CCDC7: variants seen among roughly 807,000 people sequenced by gnomAD.
The protein encoded by CCDC7 is coiled-coil domain-containing protein 7.
A neutral mutation model predicts 196.9 loss-of-function variants in CCDC7; 183 were observed. That is an observed-to-expected ratio of 0.93 (90% CI 0.82 to 1.05). CCDC7 has a LOEUF of 1.05. CCDC7 is among the 50% of genes least tolerant of loss of function. The pLI is 0.00. For synonymous variants in CCDC7, 525 were observed against 484.6 expected (o/e 1.08, Z -1.10); for missense variants, 1,540 against 1,482.2 (o/e 1.04, Z -0.64).
chr10:32,726,704 A>G (rs2083180202), intron 25 of CCDC7, 30 bp from the exon 27 acceptor site: 2 of 1,300,312 alleles, frequency 1.5e-6, no homozygotes, highest in African/African-American at 1.5e-5. Context: ...AGCGGACTAA[A>G]TGTATCTCTT....
At chr10:32,828,541 AAGAAGAAG>A (rs2091719002) in intron 32 of CCDC7, among the ~76,000 whole-genome samples, 1 of 147,652 alleles carries the variant, frequency 6.8e-6, no homozygotes, top group African/African-American at 2.5e-5. Context: ...GAAGAAGAAG[AAGAAGAAG>A]AAGAAGAAGA....
chr10:32,600,166 A>AT (rs58965371), intron 18 of CCDC7, among the ~76,000 whole-genome samples: 13,511 of 152,004 alleles, frequency 0.089, 856 homozygotes, highest in East Asian at 0.33. Context: ...CAGTATGGTC[A>AT]TTTTTATGAT....
At chr10:32,772,249 G>T (rs938121394) in intron 28 of CCDC7, among the ~76,000 whole-genome samples, 5 of 152,144 alleles carry the variant, frequency 3.3e-5, no homozygotes, top group African/African-American at 1.2e-4. Flanking sequence ...GTTTGTGCAG[G>T]GAGTGGGGAG....
intron 41 of CCDC7, among the ~76,000 whole-genome samples, chr10:32,860,253 T>C (rs113360580): frequency 1.6e-4 from 24 of 152,202 alleles, no homozygotes; most frequent in African/African-American, 5.8e-4. Flanking sequence ...GCAAGGCTGG[T>C]TCAGCATACA....
intron 28 of CCDC7, among the ~76,000 whole-genome samples, chr10:32,754,188 A>C (rs757095818): frequency 1.3e-5 from 2 of 152,170 alleles, no homozygotes; most frequent in African/African-American, 4.8e-5. Context: ...TAAAGCTTAA[A>C]AGAATCAAAT....
chr10:32,602,320 A>T (rs183222770), intron 18 of CCDC7, among the ~76,000 whole-genome samples: 1 of 147,492 alleles, frequency 6.8e-6, no homozygotes, highest in Admixed American at 6.8e-5. Flanking sequence ...AATTCTGGAC[A>T]CACCATCTTT....
rs1331906714 is a variant in CCDC7, at chr10:32,728,887, C to CT, written c.2670dup (p.Arg891SerfsTer7). The CT allele has an allele frequency of 6.4e-7, 1 of 1,557,500 alleles. No homozygotes were observed. Among genetic ancestry groups the CT allele is most frequent in the African/African-American group, 1.4e-5 (1 of 73,622 alleles). ...GGACTAAATGCATCTCTTGATATAG[C>CT]TCGTATTGTAGTACCAAATGAAAAT... On this transcript the variant is annotated frameshift_variant and splice_region_variant, in exon 27 of 42. Coordinates refer to ENST00000639629, the Ensembl canonical transcript of CCDC7. LOFTEE classifies it high-confidence loss of function.
Position 32,689,060 on chromosome 10 carries a change from TA to T in CCDC7, c.2244del (p.Glu749AsnfsTer21), listed in dbSNP as rs1565146861. On this transcript the variant is annotated frameshift_variant, in exon 23 of 42. Coordinates refer to ENST00000639629, the Ensembl canonical transcript of CCDC7. LOFTEE classifies it high-confidence loss of function. Reference sequence around the variant, plus strand: ...ACACATCTTTTTCTGTAGCTCCTGATAAAGAACCAAATGAAAATCTTATACT... The same window carrying T: ...ACACATCTTTTTCTGTAGCTCCTGATAAGAACCAAATGAAAATCTTATACT... The T allele has an allele frequency of 1.3e-6, 2 of 1,582,228 alleles. No homozygotes were observed. The highest frequency in any genetic ancestry group is 1.1e-5 in the South Asian group (1 of 88,478).
chr10:32,546,677 G>T (rs1303724275), intron 13 of CCDC7, among the ~76,000 whole-genome samples: 2 of 152,202 alleles, frequency 1.3e-5, no homozygotes, highest in Non-Finnish European at 2.9e-5. Flanking sequence ...TTGCTGCATA[G>T]CAAGTTACCA....
chr10:32,677,965 A>G (rs1352834039), intron 21 of CCDC7, among the ~76,000 whole-genome samples: 1 of 151,330 alleles, frequency 6.6e-6, no homozygotes, highest in African/African-American at 2.4e-5. Context: ...TTGCTTTGCT[A>G]TTTTCTTCTG....
rs548640599 is a variant in CCDC7 at position 32,641,347 on chromosome 10, G to A, written c.2014+6189G>A. ...CCCATATTTCTCCGAGGCTTTGTTC[G>A]TTTCTTTTTATTGTTTTTTCTCTAA... On this transcript the variant is annotated intron_variant, in intron 20 of 41. Transcript: ENST00000639629. 5.8e-3 allele frequency among the ~76,000 whole-genome samples: 884 copies of A among 152,144 alleles called. 3 individuals are homozygous for A. The highest frequency in any genetic ancestry group is 8.4e-3 in the Non-Finnish European group (571 of 67,978).
chr10:32,524,730 C>T (rs1465455044), intron 11 of CCDC7, among the ~76,000 whole-genome samples: 1 of 152,192 alleles, frequency 6.6e-6, no homozygotes, highest in Non-Finnish European at 1.5e-5. Flanking sequence ...AAGTTTTCCA[C>T]TGAAAGTCTG....
intron 9 of CCDC7, among the ~76,000 whole-genome samples, chr10:32,514,894 A>G: frequency 6.6e-6 from 1 of 152,296 alleles, no homozygotes; most frequent in Admixed American, 6.5e-5. Flanking sequence ...ATGTAATCAT[A>G]GCTCACTTCA....
chr10:32,674,651 TG>T (rs2074619689), intron 21 of CCDC7, among the ~76,000 whole-genome samples: 1 of 152,132 alleles, frequency 6.6e-6, no homozygotes, highest in Non-Finnish European at 1.5e-5. Context: ...TCTGTTTGGA[TG>T]ATCTATCCAT....
intron 15 of CCDC7, among the ~76,000 whole-genome samples, chr10:32,570,583 C>G (rs2057415394): frequency 6.6e-6 from 1 of 152,164 alleles, no homozygotes. Flanking sequence ...GTTAAGGTAT[C>G]CCAGCATATG....
chr10:32,463,981 C>A (rs2036250454), intron 5 of CCDC7, among the ~76,000 whole-genome samples: 1 of 152,246 alleles, frequency 6.6e-6, no homozygotes, highest in Middle Eastern at 3.4e-3. Flanking sequence ...AAAATGTGTT[C>A]TTCTTTGCAA....
At chr10:32,633,213 GCACACACACA>G (rs5784300) in intron 18 of CCDC7, among the ~76,000 whole-genome samples, 4 of 151,132 alleles carry the variant, frequency 2.6e-5, no homozygotes, top group Non-Finnish European at 5.9e-5. Flanking sequence ...GCGCGTGCAC[GCACACACACA>G]CACACACACA....
intron 21 of CCDC7, among the ~76,000 whole-genome samples, chr10:32,668,876 A>G (rs1284151981): frequency 1.3e-5 from 2 of 152,094 alleles, no homozygotes; most frequent in Non-Finnish European, 2.9e-5. Context: ...TCCAATTTGA[A>G]TGCCTTCTGT....
At chr10:32,697,808 T>A (rs1327543049) in intron 24 of CCDC7, among the ~76,000 whole-genome samples, 1 of 152,180 alleles carries the variant, frequency 6.6e-6, no homozygotes, top group East Asian at 1.9e-4. Flanking sequence ...GTCTGACAGC[T>A]TTGAAGACAG....
Sources: gnomAD v4.1 joint callset for allele counts (sites outside exome capture counted in the v4.1 genomes callset) on GRCh38, gnomAD v4.1.1 for gene constraint, MANE v1.5 for transcripts, NCBI Gene and HGNC (gene_info 2026-07-23, HGNC 2026-07-21) for gene names.